The following GABRR3 variants were observed in gnomAD, a reference collection of about 807,000 sequenced individuals.
The protein encoded by GABRR3 is gamma-aminobutyric acid type A receptor subunit rho3.
In GABRR3, 29 loss-of-function variants were observed where a neutral mutation model predicts 43.2. That is an observed-to-expected ratio of 0.67 (90% confidence interval 0.50 to 0.92). The LOEUF (loss-of-function observed/expected upper bound fraction) is 0.92, where lower values mean the gene tolerates loss of function less well. GABRR3 is among the 40% of genes least tolerant of loss of function. The pLI is 0.00. For missense variants in GABRR3, 576 were observed against 572.3 expected (o/e 1.01, Z -0.07); for synonymous variants, 206 against 195.9 (o/e 1.05, Z -0.43).
intron 2 of GABRR3, among the ~76,000 whole-genome samples, chr3:98,033,699 T>C (rs1179248570): frequency 2.0e-5 from 3 of 152,092 alleles, no homozygotes; most frequent in Non-Finnish European, 4.4e-5. Context: ...TGAAAAAAAA[T>C]AGAGTCTGGT....
chr3:98,015,340 G>A lies in GABRR3; in HGVS notation c.306+2315C>T, dbSNP rs150585150. ...ACTGAGTAGCTGGGACTACAGGGATGTGCCACCACACCCAGCTAATTTTTT... is the reference window on the plus strand; with the variant it reads ...ACTGAGTAGCTGGGACTACAGGGATATGCCACCACACCCAGCTAATTTTTT... On this transcript the variant is annotated intron_variant, in intron 4 of 9. Coordinates refer to ENST00000621172, the Ensembl canonical transcript of GABRR3. 2.7e-3 allele frequency among the ~76,000 whole-genome samples: 414 copies of A among 152,210 alleles called. 12 individuals carry two copies. The East Asian group carries it at 0.045, about 16-fold the overall frequency.
chr3:98,035,070 A>G (rs2107256107), intron 1 of GABRR3, 81 bp from the exon 2 acceptor site: 1 of 1,497,648 alleles, frequency 6.7e-7, no homozygotes, highest in Non-Finnish European at 9.0e-7. Context: ...TGTGTCTTTT[A>G]AAAAACAAAC....
chr3:98,033,852 T>A (rs1707120880), intron 2 of GABRR3, among the ~76,000 whole-genome samples: 1 of 152,170 alleles, frequency 6.6e-6, no homozygotes, highest in Non-Finnish European at 1.5e-5. Flanking sequence ...TGAGCAGTAG[T>A]CCCTGATTTT....
chr3:98,020,445 G>A (rs1706926407), intron 3 of GABRR3, among the ~76,000 whole-genome samples: 1 of 115,084 alleles, frequency 8.7e-6, no homozygotes, highest in South Asian at 2.8e-4. Flanking sequence ...TTTAGATAAT[G>A]AGTCCAATCT....
intron 9 of GABRR3, among the ~76,000 whole-genome samples, chr3:97,988,956 G>A (rs926012293): frequency 9.3e-5 from 14 of 151,066 alleles, no homozygotes; most frequent in East Asian, 7.8e-4. Flanking sequence ...GTGGTAGGTG[G>A]TGGTGGGGGT....
chr3:98,023,750 A>G (rs556254213), intron 3 of GABRR3, among the ~76,000 whole-genome samples: 1 of 152,364 alleles, frequency 6.6e-6, no homozygotes, highest in South Asian at 2.1e-4. Context: ...TTATGATTCA[A>G]TAAGTGTGAA....
At chr3:97,999,403 C>T (rs984035474) in intron 8 of GABRR3, 2 of 152,114 alleles carry the variant, frequency 1.3e-5, no homozygotes, top group Non-Finnish European at 2.9e-5. Flanking sequence ...AGGAAAGACT[C>T]GGTTCTAAAC....
rs187869565 is a variant in GABRR3, at chr3:98,025,687, C to A, written c.126-8G>T. The A allele has an allele frequency of 2.4e-4, 383 of 1,583,328 alleles. No homozygotes were observed. Among genetic ancestry groups the A allele is most frequent in the Non-Finnish European group, 3.2e-4 (374 of 1,165,980 alleles). ...ATTCTAGTTTCTTGTTTGCTGTTCCCCCAAAGGGAAAAAAAAAACTTCTGA... is the reference window on the plus strand; with the variant it reads ...ATTCTAGTTTCTTGTTTGCTGTTCCACCAAAGGGAAAAAAAAAACTTCTGA... On this transcript the variant is annotated splice_region_variant and splice_polypyrimidine_tract_variant and intron_variant, in intron 2 of 9. Coordinates refer to ENST00000621172, the Ensembl canonical transcript of GABRR3.
rs533766175 is a variant in GABRR3 at position 98,028,768 on chromosome 3, A to T, written c.126-3089T>A. The stretch of plus-strand genomic sequence containing the variant: ...AACTATTCATGTCTACATGCCCCTC[A>T]GATACCTTGCATCTACCCTTAGAGG... On this transcript the variant is annotated intron_variant, in intron 2 of 9. Coordinates refer to ENST00000621172, the Ensembl canonical transcript of GABRR3. Among the ~76,000 whole-genome samples the T allele has an allele frequency of 2.0e-5, 3 of 152,340 alleles. No homozygotes were observed. In the East Asian group the frequency reaches 5.8e-4, roughly 29 times the overall value.
At chr3:97,997,325 G>A (rs1706574747) in intron 8 of GABRR3, 1 of 152,090 alleles carries the variant, frequency 6.6e-6, no homozygotes, top group South Asian at 2.1e-4. Context: ...TCCAAAGGCT[G>A]AAATCCCAAA....
At chr3:97,990,588 C>T (rs1490094191) in intron 9 of GABRR3, among the ~76,000 whole-genome samples, 7 of 151,920 alleles carry the variant, frequency 4.6e-5, no homozygotes, top group African/African-American at 1.7e-4. Flanking sequence ...CTCAAGAAAT[C>T]CGCCTGCCTT....
chr3:98,027,299 C>A (rs1461696818), intron 2 of GABRR3, among the ~76,000 whole-genome samples: 1 of 152,150 alleles, frequency 6.6e-6, no homozygotes, highest in African/African-American at 2.4e-5. Flanking sequence ...TGACAATTTG[C>A]ATGTATAACA....
At chr3:98,019,794 C>T (rs528767326) in intron 3 of GABRR3, among the ~76,000 whole-genome samples, 1 of 152,204 alleles carries the variant, frequency 6.6e-6, no homozygotes, top group South Asian at 2.1e-4. Flanking sequence ...AAACTCCTGA[C>T]CTCAGGTGAT....
chr3:98,031,114 C>G (rs1208767951), intron 2 of GABRR3, among the ~76,000 whole-genome samples: 2 of 152,130 alleles, frequency 1.3e-5, no homozygotes, highest in Admixed American at 6.5e-5. Flanking sequence ...AAATACATAC[C>G]TGACTTTTTC....
intron 4 of GABRR3, among the ~76,000 whole-genome samples, chr3:98,013,268 G>A (rs556254087): frequency 6.6e-6 from 1 of 152,148 alleles, no homozygotes; most frequent in Non-Finnish European, 1.5e-5. Context: ...GATTTGAATT[G>A]TTACTGTTTA....
At chr3:97,989,444 GGGTGGTGGGTGGTGGT>G (rs931971783) in intron 9 of GABRR3, among the ~76,000 whole-genome samples, 7 of 146,204 alleles carry the variant, frequency 4.8e-5, no homozygotes, top group Non-Finnish European at 1.1e-4. Context: ...TAGTGGTGGT[GGGTGGTGGGTGGTGGT>G]GGTGGTGGAT....
chr3:97,993,077 G>A (rs1258623521), intron 8 of GABRR3, 29 bp from the exon 9 acceptor site: 34 of 1,525,682 alleles, frequency 2.2e-5, no homozygotes, highest in Non-Finnish European at 3.0e-5. Flanking sequence ...GGCAAGCTCA[G>A]TGATATAGCC....
At chr3:97,991,946 T>C (rs1286988391) in intron 9 of GABRR3, among the ~76,000 whole-genome samples, 1 of 152,198 alleles carries the variant, frequency 6.6e-6, no homozygotes, top group African/African-American at 2.4e-5. Context: ...ACATATATAC[T>C]ATATGCACAT....
intron 4 of GABRR3, among the ~76,000 whole-genome samples, 194 bp downstream of exon 4, chr3:98,017,461 G>T (rs1355325151): frequency 6.6e-6 from 1 of 152,148 alleles, no homozygotes; most frequent in Non-Finnish European, 1.5e-5. Context: ...GAGTAGAAAA[G>T]GAATGAGAAT....
Sources: allele counts gnomAD v4.1 joint callset (sites outside exome capture counted in the v4.1 genomes callset), GRCh38; gene constraint gnomAD v4.1.1; transcripts MANE v1.5; gene names NCBI Gene and HGNC (gene_info 2026-07-23, HGNC 2026-07-21).